The following PIEZO2 variants were observed in gnomAD, a reference collection of about 807,000 sequenced individuals.
PIEZO2 encodes the protein piezo-type mechanosensitive ion channel component 2.
In PIEZO2, 172 loss-of-function variants were observed where a neutral mutation model predicts 337.3. The ratio of observed to expected loss-of-function variants is 0.51; its 90% CI spans 0.45 to 0.58. The LOEUF is 0.58. Ranked by LOEUF, PIEZO2 falls within the 20% of genes least tolerant of loss-of-function variation. The probability of loss-of-function intolerance (pLI) is 0.00; values close to 1 mark genes in which losing one functional copy is unlikely to be tolerated. For synonymous variants in PIEZO2, 1,251 were observed against 1,228.5 expected (o/e 1.02, Z -0.38); for missense variants, 3,028 against 3,391.3 (o/e 0.89, Z 2.66).
chr18:10,684,079 T>C (rs1368771834), intron 49 of PIEZO2, among the ~76,000 whole-genome samples: 3 of 10,242 alleles, frequency 2.9e-4, no homozygotes, highest in African/African-American at 4.5e-4. Flanking sequence ...CCTTCCTTTT[T>C]CCTTCCTTCC....
chr18:11,055,539 C>T (rs111611406), intron 2 of PIEZO2, among the ~76,000 whole-genome samples: 2,839 of 152,288 alleles, frequency 0.019, 87 homozygotes, highest in Admixed American at 0.08. Context: ...GAAGAGAATT[C>T]CAGGCAAAGG....
intron 17 of PIEZO2, 54 bp from the exon 18 acceptor site, chr18:10,780,420 G>A (rs2038939191): frequency 1.4e-6 from 1 of 702,648 alleles, no homozygotes; most frequent in East Asian, 2.7e-5. Context: ...AGGTTGGAGA[G>A]AAAGAGAGGA....
chr18:11,051,360 T>TGTGGGTGTGG (rs1403169518), intron 2 of PIEZO2, among the ~76,000 whole-genome samples: 1 of 151,342 alleles, frequency 6.6e-6, no homozygotes, highest in Non-Finnish European at 1.5e-5. Context: ...TGTGTGTGTG[T>TGTGGGTGTGG]GTGTGTGTGG....
intron 2 of PIEZO2, among the ~76,000 whole-genome samples, chr18:11,029,893 C>T (rs891127108): frequency 2.0e-5 from 3 of 152,272 alleles, no homozygotes; most frequent in Non-Finnish European, 4.4e-5. Context: ...GTAATTCCAC[C>T]ATGGCCATGT....
rs550906923 is a variant in PIEZO2 at position 10,781,419 on chromosome 18, G to A, written c.2493-1053C>T. Among the ~76,000 whole-genome samples, 27 of 151,766 alleles carry A rather than the reference G, an allele frequency of 1.8e-4. No homozygotes were observed. The highest frequency in any genetic ancestry group is 3.5e-4 in the Non-Finnish European group (24 of 67,964). The stretch of plus-strand genomic sequence containing the variant: ...CAGGAGGTGGAGGTTGCAGTGAGCC[G>A]AGATGGCACCACTGCACTCCAGCTT... On this transcript the variant is annotated intron_variant, in intron 17 of 55. Transcript: ENST00000674853. This position sits in a 1 kb window ranked among gnomAD's most constrained non-coding sequence, Gnocchi z 4.1.
Position 10,759,453 on chromosome 18 carries a change from C to G in PIEZO2, c.3757+29G>C. 1 of 1,509,558 alleles carries G rather than the reference C, an allele frequency of 6.6e-7. No individual in the cohort carries two copies. The highest frequency in any genetic ancestry group is 8.9e-7 in the Non-Finnish European group (1 of 1,122,806). 93.5% of individuals were successfully genotyped at this position (1,509,558 alleles called of 1,614,324 possible). On this transcript the variant is annotated intron_variant, in intron 26 of 55. Transcript: ENST00000674853. This position sits in a 1 kb window ranked among gnomAD's most constrained non-coding sequence, Gnocchi z 5.5. ...TTAACAGTAAACCCGGATACCAGCACTCTGTGGCCCTGCAGTGGAAACACT... is the reference window on the plus strand; with the variant it reads ...TTAACAGTAAACCCGGATACCAGCAGTCTGTGGCCCTGCAGTGGAAACACT...
rs2041650139 is a variant in PIEZO2, at chr18:10,854,583, T to C, written c.917+770A>G. On this transcript the variant is annotated intron_variant, in intron 7 of 55. Coordinates refer to ENST00000674853, the MANE Select transcript of PIEZO2 (RefSeq NM_001378183.1). The surrounding 1 kb of genome is among the most constrained non-coding windows in gnomAD (Gnocchi z 4.6). Reference sequence around the variant, plus strand: ...TTAAAAGTCAAAGTAAATGCTAGATTCTTTACCTTTAATTCTCATTTTCAT... The same window carrying C: ...TTAAAAGTCAAAGTAAATGCTAGATCCTTTACCTTTAATTCTCATTTTCAT... Among the ~76,000 whole-genome samples the C allele has an allele frequency of 1.3e-5, 2 of 152,260 alleles. No homozygotes were observed. The highest frequency in any genetic ancestry group is 2.9e-5 in the Non-Finnish European group (2 of 68,054).
At chr18:11,013,780 A>G (rs1216779469) in intron 2 of PIEZO2, among the ~76,000 whole-genome samples, 1 of 152,188 alleles carries the variant, frequency 6.6e-6, no homozygotes, top group Non-Finnish European at 1.5e-5. Context: ...TGATGTGGTG[A>G]GATGGGAAAC....
chr18:10,678,802 C>T (rs2034129665), intron 52 of PIEZO2, among the ~76,000 whole-genome samples: 1 of 151,312 alleles, frequency 6.6e-6, no homozygotes, highest in Non-Finnish European at 1.5e-5. Flanking sequence ...AGAGAGGACT[C>T]TCAGGAAGTC....
chr18:11,052,072 T>C (rs2037554704), intron 2 of PIEZO2, among the ~76,000 whole-genome samples: 1 of 151,896 alleles, frequency 6.6e-6, no homozygotes, highest in South Asian at 2.1e-4. Flanking sequence ...TTATTCCAGT[T>C]AGCTTCATAA....
Position 10,781,365 on chromosome 18 carries a change from G to T in PIEZO2, c.2493-999C>A, listed in dbSNP as rs1022906722. 3.9e-5 allele frequency among the ~76,000 whole-genome samples: 6 copies of T among 151,954 alleles called. No individual in the cohort carries two copies. The highest frequency in any genetic ancestry group is 1.5e-4 in the African/African-American group (6 of 41,372). On this transcript the variant is annotated intron_variant, in intron 17 of 55. Coordinates refer to ENST00000674853, the MANE Select transcript of PIEZO2 (RefSeq NM_001378183.1). The surrounding 1 kb of genome is among the most constrained non-coding windows in gnomAD (Gnocchi z 4.1). ...CATGCCTGTAGTCCCAGCTACTTGG[G>T]AGCCTGAGGCAGAAGAATCACTTGA...
intron 47 of PIEZO2, among the ~76,000 whole-genome samples, chr18:10,693,354 TTTTGTGTG>T (rs1189931872): frequency 9.0e-5 from 11 of 121,652 alleles, no homozygotes; most frequent in African/African-American, 3.8e-4. Flanking sequence ...CCAATCTGGA[TTTTGTGTG>T]TGTGTGTGTG....
At chr18:11,136,218 T>C (rs748850214) in intron 1 of PIEZO2, among the ~76,000 whole-genome samples, 1 of 152,194 alleles carries the variant, frequency 6.6e-6, no homozygotes, top group African/African-American at 2.4e-5. Context: ...GGGTCAGAAA[T>C]GCAGTGTGGC....
chr18:10,701,044 T>A (rs563738261), intron 43 of PIEZO2, among the ~76,000 whole-genome samples: 1 of 152,240 alleles, frequency 6.6e-6, no homozygotes, highest in African/African-American at 2.4e-5. Context: ...CACTGTTACA[T>A]ATCTATGTGT....
intron 7 of PIEZO2, among the ~76,000 whole-genome samples, chr18:10,842,143 C>T (rs943485126): frequency 1.4e-5 from 2 of 141,484 alleles, no homozygotes; most frequent in South Asian, 2.2e-4. Flanking sequence ...AGCGAGACTC[C>T]GTCTCAAAAA....
intron 36 of PIEZO2, among the ~76,000 whole-genome samples, chr18:10,730,913 A>G (rs1402863298): frequency 1.3e-5 from 2 of 151,936 alleles, no homozygotes; most frequent in South Asian, 2.1e-4. Context: ...TTTTTAGTAG[A>G]CACGGGGTTT....
At chr18:11,059,497 G>A (rs1364598731) in intron 2 of PIEZO2, among the ~76,000 whole-genome samples, 1 of 152,190 alleles carries the variant, frequency 6.6e-6, no homozygotes, top group Non-Finnish European at 1.5e-5. Flanking sequence ...TCAGTGTGCT[G>A]TATTCAGGAA....
Position 10,724,937 on chromosome 18 carries a change from A to T in PIEZO2, c.5029+6470T>A, listed in dbSNP as rs1598403353. On this transcript the variant is annotated intron_variant, in intron 36 of 55. Transcript: ENST00000674853. This position sits in a 1 kb window ranked among gnomAD's most constrained non-coding sequence, Gnocchi z 5.8. ...CAGCCTCCACCTGGACGGCGATGGA[A>T]CCCAGGTGGGCGCACCCTGCGGCCT... is the stretch of plus-strand genomic sequence containing the variant. The T allele has an allele frequency of 1.9e-6, 3 of 1,601,812 alleles. No homozygotes were observed. The highest frequency in any genetic ancestry group is 2.6e-6 in the Non-Finnish European group (3 of 1,172,502).
intron 5 of PIEZO2, among the ~76,000 whole-genome samples, chr18:10,867,306 A>T (rs1034341328): frequency 4.6e-5 from 7 of 151,600 alleles, no homozygotes; most frequent in African/African-American, 1.7e-4. Flanking sequence ...CTTGCTCTTT[A>T]AAAAAAACAG....
Sources: allele counts gnomAD v4.1 joint callset (sites outside exome capture counted in the v4.1 genomes callset), GRCh38; gene constraint gnomAD v4.1.1; non-coding constraint Gnocchi (gnomAD v3.1); transcripts MANE v1.5; gene names NCBI Gene and HGNC (gene_info 2026-07-23, HGNC 2026-07-21).